Variants in SRGAP3 observed in about 807,000 individuals in gnomAD.
SRGAP3 encodes SLIT-ROBO Rho GTPase-activating protein 3.
Under a neutral mutation model 121.1 loss-of-function variants are expected in SRGAP3, and 39 were observed. The observed-to-expected ratio is 0.32, with a 90% CI of 0.25 to 0.42. The LOEUF (loss-of-function observed/expected upper bound fraction) is 0.42. SRGAP3 is among the 10% of genes least tolerant of loss of function. SRGAP3 has a pLI of 1.00. For synonymous variants in SRGAP3, 601 were observed against 570.0 expected (o/e 1.05, Z -0.77); for missense variants, 1,213 against 1,470.6 (o/e 0.82, Z 2.86).
chr3:9,333,120 A>G (rs2125286902), intron 1 of SRGAP3, among the ~76,000 whole-genome samples: 1 of 152,356 alleles, frequency 6.6e-6, no homozygotes, highest in Non-Finnish European at 1.5e-5. Context: ...TTATTAAATT[A>G]AAATTATAGT....
At chr3:9,069,396 G>A (rs1347593876) in intron 4 of SRGAP3, among the ~76,000 whole-genome samples, 1 of 152,178 alleles carries the variant, frequency 6.6e-6, no homozygotes, top group African/African-American at 2.4e-5. Context: ...GGATGCAGGA[G>A]CTCAGCTGAG....
chr3:9,342,177 C>T (rs982172403), intron 1 of SRGAP3, among the ~76,000 whole-genome samples: 3 of 152,002 alleles, frequency 2.0e-5, no homozygotes, highest in African/African-American at 7.2e-5. Context: ...ATGGCAAAAC[C>T]CCATCTCTAC....
At chr3:9,302,422 G>C (rs1955075226) in intron 3 of SRGAP3, among the ~76,000 whole-genome samples, 1 of 152,166 alleles carries the variant, frequency 6.6e-6, no homozygotes, top group South Asian at 2.1e-4. Context: ...GAAGCACTTC[G>C]CTCTGCCCAG....
At chr3:9,083,959 G>C (rs1947347642) in intron 3 of SRGAP3, among the ~76,000 whole-genome samples, 1 of 152,114 alleles carries the variant, frequency 6.6e-6, no homozygotes, top group South Asian at 2.1e-4. Context: ...AAACAGTATG[G>C]TCTAGATGTC....
rs573809413 is a variant in SRGAP3, at chr3:9,124,645, C to T, written c.260+80G>A. 167 of 1,587,862 alleles carry T rather than the reference C, an allele frequency of 1.1e-4. 4 individuals are homozygous for T. The South Asian group carries it at 1.7e-3, about 16-fold the overall frequency. On this transcript the variant is annotated intron_variant, in intron 2 of 21. Coordinates refer to ENST00000383836, the MANE Select transcript of SRGAP3 (RefSeq NM_014850.4). ...TCTGCCTCCAATGAAGCTGGCTGGCCTCCTTTCTGCTTTGCCACCAACTGT... is the reference window on the plus strand; with the variant it reads ...TCTGCCTCCAATGAAGCTGGCTGGCTTCCTTTCTGCTTTGCCACCAACTGT...
At chr3:9,059,145 C>G (rs556456134) in intron 6 of SRGAP3, 1 of 152,754 alleles carries the variant, frequency 6.5e-6, no homozygotes, top group Admixed American at 6.5e-5. Context: ...GGTGATCCTC[C>G]TCCAGGGGTC....
chr3:9,003,607 ATAAT>A (rs1942893784), intron 18 of SRGAP3, among the ~76,000 whole-genome samples: 1 of 152,258 alleles, frequency 6.6e-6, no homozygotes. Context: ...ACATCTAAAA[ATAAT>A]TAATGTAATG....
intron 13 of SRGAP3, among the ~76,000 whole-genome samples, chr3:9,025,733 C>T (rs1312977294): frequency 2.0e-5 from 3 of 152,062 alleles, no homozygotes; most frequent in Admixed American, 2.0e-4. Context: ...CATGTTTCTA[C>T]AAGACCTTAA....
At chr3:9,125,940 T>C (rs1575112067) in intron 1 of SRGAP3, among the ~76,000 whole-genome samples, 1 of 152,150 alleles carries the variant, frequency 6.6e-6, no homozygotes, top group Admixed American at 6.5e-5. Flanking sequence ...CCCAATGGAC[T>C]CTCCAAACCA....
At chr3:9,256,240 G>A (rs1442295819) in intron 3 of SRGAP3, among the ~76,000 whole-genome samples, 6 of 152,326 alleles carry the variant, frequency 3.9e-5, no homozygotes, top group Admixed American at 2.0e-4. Flanking sequence ...ACATGTCTGC[G>A]TGTGTGTCCA....
chr3:9,039,416 C>A (rs1203299109), intron 10 of SRGAP3, among the ~76,000 whole-genome samples: 1 of 152,180 alleles, frequency 6.6e-6, no homozygotes, highest in Non-Finnish European at 1.5e-5. Context: ...TACTCTATGT[C>A]CAGATCTTAC....
chr3:9,257,307 T>G (rs1954152251), intron 3 of SRGAP3: 1 of 152,272 alleles, frequency 6.6e-6, no homozygotes, highest in African/African-American at 2.4e-5. Flanking sequence ...GCCCTTATGA[T>G]GGGATTAGTG....
At chr3:9,264,055 G>C (rs1484455193) in intron 3 of SRGAP3, among the ~76,000 whole-genome samples, 1 of 152,156 alleles carries the variant, frequency 6.6e-6, no homozygotes, top group African/African-American at 2.4e-5. Context: ...GGGATGCAAG[G>C]CTGGTTCAAC....
chr3:9,290,089 C>A (rs967720487), intron 3 of SRGAP3, among the ~76,000 whole-genome samples: 1 of 151,712 alleles, frequency 6.6e-6, no homozygotes, highest in Admixed American at 6.6e-5. Flanking sequence ...CCAGCCTGGG[C>A]GACAGAGCAA....
intron 1 of SRGAP3, among the ~76,000 whole-genome samples, chr3:9,236,510 C>A (rs1210775847): frequency 2.6e-5 from 4 of 152,150 alleles, no homozygotes. Context: ...AGCACCATCA[C>A]TTTGGTGCTG....
At chr3:9,017,364 C>T (rs1022035) in intron 14 of SRGAP3, among the ~76,000 whole-genome samples, 34,216 of 152,020 alleles carry the variant, frequency 0.23, 3,998 homozygotes, top group Non-Finnish European at 0.25. Flanking sequence ...GTAATAATTA[C>T]ATTCATCTGC....
chr3:9,111,894 TCA>T (rs1948637593), intron 2 of SRGAP3, among the ~76,000 whole-genome samples: 1 of 152,212 alleles, frequency 6.6e-6, no homozygotes, highest in African/African-American at 2.4e-5. Context: ...AACTAAGACA[TCA>T]CGTTAGAAAT....
intron 3 of SRGAP3, among the ~76,000 whole-genome samples, chr3:9,285,355 T>A (rs1459732253): frequency 6.6e-6 from 1 of 152,174 alleles, no homozygotes; most frequent in Non-Finnish European, 1.5e-5. Flanking sequence ...CCTTGGCATT[T>A]GAGAAAACAG....
At position 8,984,511 on chromosome 3, in the gene SRGAP3, T is replaced by C. The variant is rs1396678894; in HGVS notation, c.*1008A>G. ...TTACCACAGATTTATTCCTACAGCA[T>C]TTCTAGGTTTTGGAGTATTCCACAC... On this transcript the variant is annotated 3_prime_UTR_variant, in exon 22 of 22. Transcript: ENST00000383836. 1 of 232,144 alleles carries C rather than the reference T, an allele frequency of 4.3e-6. No homozygotes were observed. The highest frequency in any genetic ancestry group is 8.5e-6 in the Non-Finnish European group (1 of 117,312). The allele number at this position is 232,144 out of a possible 1,614,324, so 14.4% of individuals were successfully genotyped here. A position where few individuals can be genotyped will look rare whatever the true frequency, so the allele number is the denominator to read the frequency against.
Sources: allele counts gnomAD v4.1 joint callset (sites outside exome capture counted in the v4.1 genomes callset), GRCh38; gene constraint gnomAD v4.1.1; transcripts MANE v1.5; gene names NCBI Gene and HGNC (gene_info 2026-07-23, HGNC 2026-07-21).